DOCK9: variants seen among roughly 807,000 people sequenced by gnomAD.
DOCK9 encodes dedicator of cytokinesis 9.
Under a neutral mutation model 263.3 loss-of-function variants are expected in DOCK9, and 89 were observed. The ratio of observed to expected loss-of-function variants is 0.34; its 90% CI spans 0.28 to 0.40. DOCK9 has a LOEUF of 0.40. Among genes scored for constraint, DOCK9 ranks in the 10% least tolerant of loss-of-function variants. The pLI is 1.00. For synonymous variants in DOCK9, 976 were observed against 973.1 expected, an observed-to-expected ratio of 1.00 and a Z score of -0.06; for missense variants, 2,140 against 2,603.4, an observed-to-expected ratio of 0.82 and a Z score of 3.87.
At chr13:98,848,357 G>A (rs141535706) in intron 37 of DOCK9, among the ~76,000 whole-genome samples, 235 of 152,220 alleles carry the variant, frequency 1.5e-3, no homozygotes, top group African/African-American at 5.3e-3. Flanking sequence ...GACACAGCCC[G>A]CTAAAGGAAT....
In DOCK9 at chr13:98,824,469, T is replaced by C; in HGVS notation, c.5059A>G (p.Ile1687Val). The C allele has an allele frequency of 1.2e-6, 2 of 1,613,866 alleles. No individual in the cohort carries two copies. Among genetic ancestry groups the C allele is most frequent in the Non-Finnish European group, 1.7e-6 (2 of 1,179,808 alleles). ...FRQGCTAFRV[I>V]TPNIDEEASM... ...GCCTCCTCGTCGATGTTTGGGGTAATGACCCTGAAGGCGGTGCATCCTTGT... is the reference window on the plus strand; with the variant it reads ...GCCTCCTCGTCGATGTTTGGGGTAACGACCCTGAAGGCGGTGCATCCTTGT... The change falls in exon 45 of 53, where the codon ATT becomes GTT. Residue 1687 changes from isoleucine (I) to valine (V), a missense_variant. By Grantham distance (29) the Ile-to-Val change is conservative (BLOSUM62 3). Transcript: ENST00000682017.
chr13:99,006,390 C>G (rs1883341326), intron 1 of DOCK9, among the ~76,000 whole-genome samples: 1 of 152,196 alleles, frequency 6.6e-6, no homozygotes, highest in Non-Finnish European at 1.5e-5. Context: ...TAGATCCACA[C>G]AGATTTTTGG....
chr13:98,951,417 G>A (rs1274935162), intron 2 of DOCK9, among the ~76,000 whole-genome samples: 2 of 152,156 alleles, frequency 1.3e-5, no homozygotes, highest in Non-Finnish European at 2.9e-5. Flanking sequence ...TAAGCAATGG[G>A]TATTCAACCC....
chr13:98,989,433 G>A lies in DOCK9; in HGVS notation c.130-33882C>T, dbSNP rs186879124. Among the ~76,000 whole-genome samples the A allele has an allele frequency of 5.1e-4, 78 of 151,868 alleles. 1 individual carries two copies. The highest frequency in any genetic ancestry group is 2.7e-3 in the South Asian group (13 of 4,802). On this transcript the variant is annotated intron_variant, in intron 1 of 32. Coordinates refer to the DOCK9 transcript ENST00000427887. ...AACTTCTGAATCGGAATCCTGAACTGAGCCTCAAGGATCTGAATTTTGCAC... is the reference window on the plus strand; with the variant it reads ...AACTTCTGAATCGGAATCCTGAACTAAGCCTCAAGGATCTGAATTTTGCAC...
At chr13:99,022,224 A>C (rs1415742254) in intron 1 of DOCK9, among the ~76,000 whole-genome samples, 1 of 152,180 alleles carries the variant, frequency 6.6e-6, no homozygotes, top group Non-Finnish European at 1.5e-5. Context: ...CAGAGGGCAC[A>C]GTGTGGACAG....
At chr13:99,029,642 T>A (rs979395890) in intron 1 of DOCK9, among the ~76,000 whole-genome samples, 61 of 152,194 alleles carry the variant, frequency 4.0e-4, no homozygotes, top group African/African-American at 1.4e-3. Flanking sequence ...CTACTACATA[T>A]CTATTAGGAT....
chr13:99,004,982 A>G (rs1567196865), intron 1 of DOCK9, among the ~76,000 whole-genome samples: 1 of 152,188 alleles, frequency 6.6e-6, no homozygotes, highest in Non-Finnish European at 1.5e-5. Context: ...TATTTCCTGC[A>G]GACATGAATA....
At chr13:98,898,571 G>A (rs72651811) in intron 13 of DOCK9, among the ~76,000 whole-genome samples, 2 of 152,220 alleles carry the variant, frequency 1.3e-5, no homozygotes, top group Non-Finnish European at 2.9e-5. Context: ...ATGACTAAGT[G>A]CTACTTATTA....
At chr13:98,836,053 A>T (rs1374944447) in intron 39 of DOCK9, among the ~76,000 whole-genome samples, 4 of 152,122 alleles carry the variant, frequency 2.6e-5, no homozygotes, top group Non-Finnish European at 5.9e-5. Flanking sequence ...TTTACTATTA[A>T]GCAAGCAACT....
chr13:98,914,306 A>G (rs750069724), intron 9 of DOCK9, 22 bp downstream of exon 9: 1 of 1,597,192 alleles, frequency 6.3e-7, no homozygotes, highest in Admixed American at 1.7e-5. Context: ...AACGAAGAGC[A>G]GAAGATATAA....
intron 21 of DOCK9, 114 bp from the exon 22 acceptor site, chr13:98,884,013 G>T: frequency 1.4e-6 from 1 of 719,338 alleles, no homozygotes; most frequent in Non-Finnish European, 2.3e-6. Context: ...GAACTTTAGT[G>T]ACTTGGCGAC....
At chr13:98,860,109 C>T in intron 33 of DOCK9, 4 of 1,100,316 alleles carry the variant, frequency 3.6e-6, no homozygotes, top group Non-Finnish European at 4.7e-6. Flanking sequence ...TAACAGTATA[C>T]ACAATCCAAT....
At chr13:98,929,600 ATTT>A (rs1454067258) in intron 3 of DOCK9, among the ~76,000 whole-genome samples, 1 of 152,010 alleles carries the variant, frequency 6.6e-6, no homozygotes, top group African/African-American at 2.4e-5. Flanking sequence ...CCATAAGATA[ATTT>A]TATTTGCATT....
At chr13:98,993,126 A>G (rs1880199369) in intron 1 of DOCK9, among the ~76,000 whole-genome samples, 1 of 152,218 alleles carries the variant, frequency 6.6e-6, no homozygotes, top group Admixed American at 6.5e-5. Context: ...TGAGAAGTGT[A>G]AAACACAGCC....
At position 98,941,030 on chromosome 13, in the gene DOCK9, C is replaced by CT. The variant is rs1392066974; in HGVS notation, c.244-10774dup. On this transcript the variant is annotated intron_variant, in intron 2 of 52. Transcript: ENST00000682017. ...ACCGTACTAACTTTTCTGGACTCTTCTGCCCTTCTCCAACAGTCCAGCAAC... is the reference window on the plus strand; with the variant it reads ...ACCGTACTAACTTTTCTGGACTCTTCTTGCCCTTCTCCAACAGTCCAGCAAC... Among the ~76,000 whole-genome samples, 5 of 152,304 alleles carry CT rather than the reference C, an allele frequency of 3.3e-5. No individual in the cohort carries two copies. The East Asian group carries it at 9.6e-4, about 29-fold the overall frequency.
rs1344910554 is a variant in DOCK9, at chr13:98,829,786, A to T, written c.4636-30T>A. On this transcript the variant is annotated intron_variant, in intron 41 of 52. Coordinates refer to ENST00000682017, the MANE Select transcript of DOCK9 (RefSeq NM_001366683.2). The surrounding 1 kb of genome is among the most constrained non-coding windows in gnomAD (Gnocchi z 4.1). ...GGGACACACAAACATGAGCAAATCA[A>T]TTTACCTTCAAATGACTGCCCAGGC... 1 of 1,552,450 alleles carries T rather than the reference A, an allele frequency of 6.4e-7. No individual in the cohort carries two copies. The highest frequency in any genetic ancestry group is 8.8e-7 in the Non-Finnish European group (1 of 1,139,814).
intron 1 of DOCK9, among the ~76,000 whole-genome samples, chr13:99,011,292 G>A (rs1884433208): frequency 6.6e-6 from 1 of 152,114 alleles, no homozygotes. Flanking sequence ...ATAAGCAGAT[G>A]ATAAAAAGCA....
At chr13:98,967,396 C>T (rs1264842729) in intron 1 of DOCK9, among the ~76,000 whole-genome samples, 10 of 152,194 alleles carry the variant, frequency 6.6e-5, no homozygotes, top group Non-Finnish European at 1.5e-4. Flanking sequence ...ATTAAACCTC[C>T]CCACAACTAT....
At chr13:99,044,278 TG>T (rs1225545627) in intron 1 of DOCK9, among the ~76,000 whole-genome samples, 3 of 152,248 alleles carry the variant, frequency 2.0e-5, no homozygotes, top group Non-Finnish European at 4.4e-5. Context: ...TAATTGATTC[TG>T]GTGGAATCAC....
Sources: gnomAD v4.1 joint callset for allele counts (sites outside exome capture counted in the v4.1 genomes callset) on GRCh38, gnomAD v4.1.1 for gene constraint, Gnocchi (gnomAD v3.1) non-coding constraint, MANE v1.5 for transcripts, NCBI Gene and HGNC (gene_info 2026-07-23, HGNC 2026-07-21) for gene names.